Variants in LRRC4C observed in about 807,000 individuals in gnomAD.
LRRC4C encodes the protein leucine-rich repeat-containing protein 4C.
In LRRC4C, 5 loss-of-function variants were observed where a neutral mutation model predicts 33.6. The ratio of observed to expected loss-of-function variants is 0.15; its 90% CI spans 0.08 to 0.31. The LOEUF is 0.31. Among genes scored for constraint, LRRC4C ranks in the 10% least tolerant of loss-of-function variants. The pLI is 1.00. For synonymous variants in LRRC4C, 329 were observed against 302.0 expected (o/e 1.09, Z -0.93); for missense variants, 560 against 796.7 (o/e 0.70, Z 3.58).
At chr11:40,459,929 A>G (rs1053522682) in intron 3 of LRRC4C, among the ~76,000 whole-genome samples, 3 of 152,184 alleles carry the variant, frequency 2.0e-5, no homozygotes, top group Non-Finnish European at 4.4e-5. Flanking sequence ...ATGCCTGCAA[A>G]AGCTATTGAG....
intron 2 of LRRC4C, among the ~76,000 whole-genome samples, chr11:40,678,370 C>T (rs377601937): frequency 1.3e-5 from 2 of 151,970 alleles, no homozygotes; most frequent in East Asian, 1.9e-4. Context: ...TATTACTTTT[C>T]GATTGTTCTG....
chr11:40,216,591 G>C (rs1419377802), intron 5 of LRRC4C, among the ~76,000 whole-genome samples: 1 of 152,142 alleles, frequency 6.6e-6, no homozygotes, highest in East Asian at 1.9e-4. Context: ...GAAAATGGGA[G>C]ACAGGGGAGG....
chr11:40,408,715 A>G (rs960367775), intron 3 of LRRC4C, among the ~76,000 whole-genome samples: 1 of 151,982 alleles, frequency 6.6e-6, no homozygotes, highest in Non-Finnish European at 1.5e-5. Context: ...ACACATGATA[A>G]TATTTAATTA....
chr11:40,501,010 A>C (rs1297070034), intron 3 of LRRC4C, among the ~76,000 whole-genome samples: 4 of 152,184 alleles, frequency 2.6e-5, no homozygotes, highest in Non-Finnish European at 5.9e-5. Context: ...TCCAAATGGG[A>C]CAAATTGGCC....
At chr11:40,664,500 A>G (rs1043626114) in intron 2 of LRRC4C, among the ~76,000 whole-genome samples, 2 of 151,698 alleles carry the variant, frequency 1.3e-5, no homozygotes, top group African/African-American at 4.8e-5. Context: ...AGCCGAGATC[A>G]CACCACTTCA....
intron 1 of LRRC4C, among the ~76,000 whole-genome samples, chr11:40,939,630 G>A (rs1473835213): frequency 6.6e-6 from 1 of 152,114 alleles, no homozygotes; most frequent in Non-Finnish European, 1.5e-5. Context: ...ACAGTCCAGA[G>A]ATTAAAGTGA....
Position 41,290,661 on chromosome 11 carries a change from T to G in LRRC4C, c.-496+168770A>C, listed in dbSNP as rs770950968. On this transcript the variant is annotated intron_variant, in intron 1 of 6. Transcript: ENST00000528697. The stretch of plus-strand genomic sequence containing the variant: ...TGAAGTATGACTGTCTATATTAGCA[T>G]GCAGTATATGTTTAATGAGACTTAA... Among the ~76,000 whole-genome samples the G allele has an allele frequency of 1.4e-4, 22 of 152,156 alleles. 1 individual carries two copies. Among genetic ancestry groups the G allele is most frequent in the Non-Finnish European group, 5.9e-5 (4 of 68,018 alleles).
At chr11:41,394,351 C>G (rs1380726581) in intron 1 of LRRC4C, among the ~76,000 whole-genome samples, 3 of 151,944 alleles carry the variant, frequency 2.0e-5, no homozygotes, top group Non-Finnish European at 4.4e-5. Context: ...GGGACTTAAT[C>G]TAATTTGCAA....
At chr11:40,639,380 T>C (rs777203746) in intron 3 of LRRC4C, among the ~76,000 whole-genome samples, 39 of 152,160 alleles carry the variant, frequency 2.6e-4, no homozygotes, top group African/African-American at 8.5e-4. Flanking sequence ...ATCACATTGG[T>C]GGGTGAAATG....
At chr11:40,921,915 AT>A (rs1480539589) in intron 2 of LRRC4C, among the ~76,000 whole-genome samples, 1 of 152,160 alleles carries the variant, frequency 6.6e-6, no homozygotes, top group Non-Finnish European at 1.5e-5. Context: ...CCACACTTGA[AT>A]TTTTGGAATC....
chr11:41,274,880 T>C (rs1949433688), intron 1 of LRRC4C, among the ~76,000 whole-genome samples: 1 of 151,980 alleles, frequency 6.6e-6, no homozygotes, highest in African/African-American at 2.4e-5. Context: ...CACAATATGG[T>C]TTGGATGTTT....
intron 1 of LRRC4C, among the ~76,000 whole-genome samples, chr11:41,052,238 C>A (rs1377019715): frequency 6.6e-6 from 1 of 152,120 alleles, no homozygotes; most frequent in East Asian, 1.9e-4. Flanking sequence ...ATAAAAAACT[C>A]TCTGTTTGAA....
intron 1 of LRRC4C, among the ~76,000 whole-genome samples, chr11:41,126,607 G>A (rs1425259544): frequency 6.6e-6 from 1 of 151,960 alleles, no homozygotes; most frequent in Non-Finnish European, 1.5e-5. Flanking sequence ...TAGTATTTAA[G>A]CTATTAGGTA....
chr11:40,560,985 T>C (rs577891194), intron 3 of LRRC4C, among the ~76,000 whole-genome samples: 27 of 152,328 alleles, frequency 1.8e-4, no homozygotes, highest in African/African-American at 6.3e-4. Flanking sequence ...AAGAGATCAA[T>C]AAATATCCTT....
intron 4 of LRRC4C, among the ~76,000 whole-genome samples, chr11:40,253,612 T>C (rs1450131814): frequency 6.6e-6 from 1 of 152,202 alleles, no homozygotes; most frequent in African/African-American, 2.4e-5. Flanking sequence ...AGGGTGAACA[T>C]GATTTGCTCT....
intron 1 of LRRC4C, among the ~76,000 whole-genome samples, chr11:41,422,132 G>C (rs1327141111): frequency 6.6e-6 from 1 of 152,006 alleles, no homozygotes; most frequent in Non-Finnish European, 1.5e-5. Context: ...AATAACTAAA[G>C]GGTTGGAGGA....
chr11:40,531,549 TA>T (rs1471106321), intron 3 of LRRC4C, among the ~76,000 whole-genome samples: 5 of 152,120 alleles, frequency 3.3e-5, no homozygotes, highest in African/African-American at 1.2e-4. Flanking sequence ...TCTCAACAAT[TA>T]TTTAGAACTT....
intron 1 of LRRC4C, among the ~76,000 whole-genome samples, chr11:41,005,330 G>T (rs1245967462): frequency 6.6e-6 from 1 of 152,116 alleles, no homozygotes; most frequent in Non-Finnish European, 1.5e-5. Context: ...CTGGCTGGGC[G>T]TGATGGCTCA....
intron 2 of LRRC4C, among the ~76,000 whole-genome samples, chr11:40,896,795 T>G (rs548293345): frequency 6.6e-6 from 1 of 152,140 alleles, no homozygotes; most frequent in Non-Finnish European, 1.5e-5. Flanking sequence ...TAACAAGGTA[T>G]GCGCATCTAC....
Sources: gnomAD v4.1 joint callset for allele counts (sites outside exome capture counted in the v4.1 genomes callset) on GRCh38, gnomAD v4.1.1 for gene constraint, MANE v1.5 for transcripts, NCBI Gene and HGNC (gene_info 2026-07-23, HGNC 2026-07-21) for gene names.